MARVELD2: variants seen among roughly 807,000 people sequenced by gnomAD.
The protein encoded by MARVELD2 is MARVEL domain containing 2.
In MARVELD2, 49 loss-of-function variants were observed where a neutral mutation model predicts 57.6. That is an observed-to-expected ratio of 0.85 (90% CI 0.68 to 1.08). The LOEUF is 1.08. Among genes scored for constraint, MARVELD2 ranks in the 50% least tolerant of loss-of-function variants. The pLI, the probability that MARVELD2 is intolerant of heterozygous loss-of-function variation, is 0.00. For missense variants in MARVELD2, 606 were observed against 701.1 expected, an observed-to-expected ratio of 0.86 and a Z score of 1.53; for synonymous variants, 238 against 258.8, an observed-to-expected ratio of 0.92 and a Z score of 0.77.
chr5:69,419,423 G>C lies in MARVELD2; in HGVS notation c.38G>C (p.Arg13Pro), dbSNP rs374313745. The C allele has an allele frequency of 3.1e-6, 5 of 1,614,152 alleles. No individual in the cohort carries two copies. The East Asian group carries it at 1.1e-4, about 36-fold the overall frequency. Residue 13 changes from arginine to proline, a missense_variant, in exon 2 of 7, where the codon CGC (arginine) becomes CCC (proline). Transcript: ENST00000325631. Reference sequence around the variant, plus strand: ...GGAAGATCCAGGAATCGGGACAGGCGCTACGATGAGGTCCCAAGCGACCTG... The same window carrying C: ...GGAAGATCCAGGAATCGGGACAGGCCCTACGATGAGGTCCCAAGCGACCTG... ...NDGRSRNRDR[R>P]YDEVPSDLPY... is the part of the protein sequence containing the mutation.
Position 69,432,952 on chromosome 5 carries a change from G to A in MARVELD2, c.1362G>A (p.Glu454=). 1 of 1,614,204 alleles carries A rather than the reference G, an allele frequency of 6.2e-7. No individual in the cohort carries two copies. The highest frequency in any genetic ancestry group is 8.5e-7 in the Non-Finnish European group (1 of 1,180,042). Residue 454 remains glutamate, a synonymous_variant, in exon 5 of 7, where the codon GAG becomes GAA. Coordinates refer to ENST00000325631, the MANE Select transcript of MARVELD2 (RefSeq NM_001038603.3). ...AKYPVIQTDD[E]RERYKAVFQD... is the part of the protein sequence containing the mutation. ...ACCCTGTGATTCAGACAGATGATGAGCGAGAACGCTATAAAGCTGTGTTCC... is the reference window on the plus strand; with the variant it reads ...ACCCTGTGATTCAGACAGATGATGAACGAGAACGCTATAAAGCTGTGTTCC...
At chr5:69,417,775 T>G (rs1157652179) in intron 1 of MARVELD2, among the ~76,000 whole-genome samples, 1 of 151,730 alleles carries the variant, frequency 6.6e-6, no homozygotes, top group Non-Finnish European at 1.5e-5. Flanking sequence ...CCATCTCTAC[T>G]AAAAATACAA....
Position 69,441,715 on chromosome 5 carries a change from C to G in MARVELD2, c.*61C>G. The G allele has an allele frequency of 8.3e-7, 1 of 1,210,694 alleles. No individual in the cohort carries two copies. The highest frequency in any genetic ancestry group is 1.2e-6 in the Non-Finnish European group (1 of 854,722). The allele number at this position is 1,210,694 out of a possible 1,614,324, so 75.0% of individuals were successfully genotyped here. A position where few individuals can be genotyped will look rare whatever the true frequency, so the allele number is the denominator to read the frequency against. ...TTTATTTTTTTGAGATGAAGTCTCG[C>G]TCTGTTACCCAGGCTGGAATGCAGT... On this transcript the variant is annotated 3_prime_UTR_variant, in exon 7 of 7. Transcript: ENST00000325631.
intron 2 of MARVELD2, among the ~76,000 whole-genome samples, chr5:69,422,435 T>A (rs1766658026): frequency 6.6e-6 from 1 of 152,112 alleles, no homozygotes; most frequent in Non-Finnish European, 1.5e-5. Context: ...TCTTTTACAA[T>A]CATAGATAAG....
chr5:69,426,175 A>G (rs1766785748), intron 3 of MARVELD2, among the ~76,000 whole-genome samples: 1 of 151,778 alleles, frequency 6.6e-6, no homozygotes, highest in African/African-American at 2.4e-5. Context: ...TGAGATTGCA[A>G]TAATAATAAT....
chr5:69,440,381 G>A, intron 5 of MARVELD2, 69 bp from the exon 6 acceptor site: 1 of 775,312 alleles, frequency 1.3e-6, no homozygotes, highest in Non-Finnish European at 2.2e-6. Flanking sequence ...CTAATTCTCA[G>A]TGTGCTTTGA....
At chr5:69,417,758 A>G (rs1406038816) in intron 1 of MARVELD2, among the ~76,000 whole-genome samples, 1 of 151,980 alleles carries the variant, frequency 6.6e-6, no homozygotes, top group Non-Finnish European at 1.5e-5. Flanking sequence ...CCCGGCTAAC[A>G]TGGTCCCCAT....
At chr5:69,431,093 C>A (rs1298753434) in intron 3 of MARVELD2, among the ~76,000 whole-genome samples, 1 of 150,640 alleles carries the variant, frequency 6.6e-6, no homozygotes, top group Non-Finnish European at 1.5e-5. Flanking sequence ...CTGCACCTGG[C>A]CTCAACCTCA....
At chr5:69,423,321 A>G (rs1398103719) in intron 2 of MARVELD2, among the ~76,000 whole-genome samples, 1 of 152,124 alleles carries the variant, frequency 6.6e-6, no homozygotes, top group African/African-American at 2.4e-5. Flanking sequence ...ACGGTGGCAC[A>G]ATCATGGCTC....
At chr5:69,425,021 T>TAA (rs139330344) in intron 3 of MARVELD2, among the ~76,000 whole-genome samples, 33 of 146,824 alleles carry the variant, frequency 2.2e-4, no homozygotes, top group African/African-American at 2.2e-4. Flanking sequence ...TGAGACTGTT[T>TAA]AAAAAAAGAA....
At chr5:69,432,380 A>G in intron 3 of MARVELD2, 147 bp from the exon 4 acceptor site, 1 of 862,708 alleles carries the variant, frequency 1.2e-6, no homozygotes, top group Non-Finnish European at 1.9e-6. Context: ...GCCTCATGTG[A>G]TCCTCCGGCT....
At position 69,419,795 on chromosome 5, in the gene MARVELD2, A is replaced by T. The variant is rs1472659271; in HGVS notation, c.410A>T (p.Tyr137Phe). ...RSPLNSCKDP[Y>F]GGSEGTFSSR... ...CCCCTCAACTCCTGCAAAGATCCCT[A>T]CGGAGGGTCAGAAGGAACCTTTAGT... The change falls in exon 2 of 7, where the codon TAC becomes TTC. Residue 137 changes from tyrosine to phenylalanine, a missense_variant. By Grantham distance (22) the Tyr-to-Phe change is conservative. Transcript: ENST00000325631. 2.5e-6 allele frequency: 4 copies of T among 1,614,052 alleles called. No individual in the cohort carries two copies. The African/African-American group carries it at 5.3e-5, about 22-fold the overall frequency.
intron 3 of MARVELD2, among the ~76,000 whole-genome samples, chr5:69,425,292 C>T (rs1766752409): frequency 6.7e-6 from 1 of 148,888 alleles, no homozygotes. Context: ...ATACCTAATG[C>T]TAGATGACGA....
chr5:69,416,342 C>G (rs1766421552), intron 1 of MARVELD2, among the ~76,000 whole-genome samples: 1 of 152,188 alleles, frequency 6.6e-6, no homozygotes, highest in Admixed American at 6.5e-5. Context: ...GCATTGGGCA[C>G]CCTGCTGGGG....
Position 69,428,360 on chromosome 5 carries a change from G to A in MARVELD2, c.1182+3724G>A, listed in dbSNP as rs370015523. Reference sequence around the variant, plus strand: ...CTACTAAAAATACAAAAAATTAGCCGGGTGTGGTGGCGCAAGCCTGTAATC... The same window carrying A: ...CTACTAAAAATACAAAAAATTAGCCAGGTGTGGTGGCGCAAGCCTGTAATC... On this transcript the variant is annotated intron_variant, in intron 3 of 6. Transcript: ENST00000325631. 3.8e-5 allele frequency among the ~76,000 whole-genome samples: 4 copies of A among 105,800 alleles called. 2 individuals are homozygous for A. Among genetic ancestry groups the A allele is most frequent in the African/African-American group, 1.4e-4 (4 of 28,898 alleles). 69.4% of individuals were successfully genotyped at this position (105,800 alleles called of 152,430 possible). A position where few individuals can be genotyped will look rare whatever the true frequency, so the allele number is the denominator to read the frequency against.
intron 1 of MARVELD2, among the ~76,000 whole-genome samples, chr5:69,416,580 G>A (rs1437261871): frequency 6.6e-6 from 1 of 152,190 alleles, no homozygotes; most frequent in Non-Finnish European, 1.5e-5. Context: ...TCAGATGTCT[G>A]GGGTTTACTT....
intron 6 of MARVELD2, among the ~76,000 whole-genome samples, chr5:69,441,157 T>C (rs1030137379): frequency 1.3e-5 from 2 of 152,154 alleles, no homozygotes; most frequent in Non-Finnish European, 2.9e-5. Context: ...CTTTTTCTTT[T>C]TTTTTAAAGA....
intron 3 of MARVELD2, among the ~76,000 whole-genome samples, chr5:69,425,984 C>T (rs773110804): frequency 3.4e-4 from 52 of 151,882 alleles, no homozygotes; most frequent in Non-Finnish European, 6.2e-4. Context: ...CCTCGTGATC[C>T]GCCCGCCTCG....
In MARVELD2 at chr5:69,432,473, G is replaced by A. The variant is rs888763655; in HGVS notation, c.1183-54G>A. On this transcript the variant is annotated intron_variant, in intron 3 of 6. Coordinates refer to ENST00000325631, the MANE Select transcript of MARVELD2 (RefSeq NM_001038603.3). The stretch of plus-strand genomic sequence containing the variant: ...TCATTTTCTAAGAATGAATTCAGAG[G>A]GTTTTTTTCTACTTATGTTTATTAA... 2.5e-6 allele frequency: 4 copies of A among 1,581,522 alleles called. No homozygotes were observed. The African/African-American group carries it at 4.0e-5, about 16-fold the overall frequency.
Sources: gnomAD v4.1 joint callset for allele counts (sites outside exome capture counted in the v4.1 genomes callset) on GRCh38, gnomAD v4.1.1 for gene constraint, MANE v1.5 for transcripts, NCBI Gene and HGNC (gene_info 2026-07-23, HGNC 2026-07-21) for gene names.